Variants in GLRA3 observed in about 807,000 individuals in gnomAD.
GLRA3 encodes the protein glycine receptor alpha 3, also known as glycine receptor subunit alpha-3.
GLRA3 carries 44 observed loss-of-function variants against 60.4 expected under a neutral mutation model. The ratio of observed to expected loss-of-function variants is 0.73; its 90% CI spans 0.57 to 0.94. GLRA3 has a LOEUF of 0.94. Ranked by LOEUF, GLRA3 falls within the 40% of genes least tolerant of loss-of-function variation. The probability of loss-of-function intolerance (pLI) is 0.00; values close to 1 mark genes in which losing one functional copy is unlikely to be tolerated. For missense variants in GLRA3, 508 were observed against 564.6 expected, an observed-to-expected ratio of 0.90 and a Z score of 1.02; for synonymous variants, 223 against 192.9, an observed-to-expected ratio of 1.16 and a Z score of -1.29.
At chr4:174,767,932 G>A (rs1487562389) in intron 2 of GLRA3, among the ~76,000 whole-genome samples, 1 of 152,094 alleles carries the variant, frequency 6.6e-6, no homozygotes, top group African/African-American at 2.4e-5. Context: ...TTTTGTTCAG[G>A]CTCTTACTTG....
At chr4:174,672,445 G>A (rs1026207243) in intron 7 of GLRA3, among the ~76,000 whole-genome samples, 49 of 151,950 alleles carry the variant, frequency 3.2e-4, no homozygotes, top group Admixed American at 6.6e-5. Flanking sequence ...ATTGACTTTC[G>A]GTTTGGCCAT....
chr4:174,819,817 T>A (rs1325000836), intron 1 of GLRA3, among the ~76,000 whole-genome samples: 1 of 152,176 alleles, frequency 6.6e-6, no homozygotes, highest in African/African-American at 2.4e-5. Context: ...AGAACTCTGA[T>A]AGGTGCAATA....
intron 2 of GLRA3, among the ~76,000 whole-genome samples, chr4:174,777,284 C>T (rs1391211086): frequency 1.3e-5 from 2 of 152,074 alleles, no homozygotes; most frequent in Non-Finnish European, 2.9e-5. Flanking sequence ...AATTCTGGAG[C>T]TCGATAATTG....
intron 3 of GLRA3, among the ~76,000 whole-genome samples, chr4:174,764,158 A>G (rs1307420134): frequency 6.6e-6 from 1 of 152,158 alleles, no homozygotes; most frequent in African/African-American, 2.4e-5. Context: ...CAAGAAAAAT[A>G]TGAAAAATAC....
intron 1 of GLRA3, among the ~76,000 whole-genome samples, chr4:174,821,275 G>C (rs927405280): frequency 1.3e-5 from 2 of 152,138 alleles, no homozygotes; most frequent in Non-Finnish European, 2.9e-5. Flanking sequence ...TACTGCTAAA[G>C]TTCTCTAATG....
At chr4:174,732,138 C>T (rs955859147) in intron 3 of GLRA3, among the ~76,000 whole-genome samples, 5 of 152,120 alleles carry the variant, frequency 3.3e-5, no homozygotes, top group Non-Finnish European at 5.9e-5. Context: ...GGGCGGATCA[C>T]GAGGTCAAGA....
chr4:174,790,706 T>C (rs1283141790), intron 1 of GLRA3, among the ~76,000 whole-genome samples: 4 of 149,610 alleles, frequency 2.7e-5, no homozygotes, highest in Admixed American at 6.7e-5. Context: ...GATGGCCGGG[T>C]GCGGTGGCTC....
rs543109702 is a variant in GLRA3 at position 174,641,574 on chromosome 4, A to G, written c.*2212T>C. On this transcript the variant is annotated 3_prime_UTR_variant, in exon 10 of 10. Coordinates refer to ENST00000274093, the MANE Select transcript of GLRA3 (RefSeq NM_006529.4). The stretch of plus-strand genomic sequence containing the variant: ...GTAATACTTTTGAGATAGATTTCTA[A>G]TGTACCAACGTCCTTGTTGACAATA... 9 of 152,218 alleles carry G rather than the reference A, an allele frequency of 5.9e-5. No individual in the cohort carries two copies. The highest frequency in any genetic ancestry group is 2.2e-4 in the African/African-American group (9 of 41,578). 9.4% of individuals were successfully genotyped at this position (152,218 alleles called of 1,614,324 possible).
chr4:174,810,186 AT>A (rs1401342406), intron 1 of GLRA3, among the ~76,000 whole-genome samples: 1 of 152,140 alleles, frequency 6.6e-6, no homozygotes, highest in Non-Finnish European at 1.5e-5. Context: ...ATTACATGCT[AT>A]TTTGGAAGAA....
At chr4:174,788,569 G>A (rs1210938514) in intron 2 of GLRA3, among the ~76,000 whole-genome samples, 1 of 97,258 alleles carries the variant, frequency 1.0e-5, no homozygotes, top group Non-Finnish European at 2.0e-5. Flanking sequence ...AAGACAAGAA[G>A]TATTATAACA....
At chr4:174,761,013 T>C (rs1420057018) in intron 3 of GLRA3, among the ~76,000 whole-genome samples, 3 of 152,134 alleles carry the variant, frequency 2.0e-5, no homozygotes, top group Non-Finnish European at 4.4e-5. Context: ...TTTTCATACA[T>C]ACAGAATGAA....
intron 3 of GLRA3, among the ~76,000 whole-genome samples, chr4:174,743,911 T>C (rs967237496): frequency 2.6e-5 from 4 of 150,946 alleles, no homozygotes; most frequent in Non-Finnish European, 5.9e-5. Flanking sequence ...GGACCCCCTC[T>C]CTTGATCCAT....
chr4:174,764,732 C>G (rs1579570399), intron 3 of GLRA3, among the ~76,000 whole-genome samples: 1 of 151,684 alleles, frequency 6.6e-6, no homozygotes, highest in Non-Finnish European at 1.5e-5. Flanking sequence ...TAAAATACAA[C>G]AACTTAACCA....
intron 3 of GLRA3, among the ~76,000 whole-genome samples, chr4:174,731,068 T>G (rs1736528362): frequency 6.6e-6 from 1 of 152,176 alleles, no homozygotes; most frequent in Admixed American, 6.5e-5. Context: ...TTTCTATGCT[T>G]TGGTTCAGGG....
chr4:174,821,726 G>A (rs542304445), intron 1 of GLRA3, among the ~76,000 whole-genome samples: 103 of 151,984 alleles, frequency 6.8e-4, no homozygotes, highest in African/African-American at 2.2e-3. Flanking sequence ...ATACAAATTC[G>A]GTTTTTCATG....
chr4:174,691,917 GC>G (rs1174993587), intron 5 of GLRA3, among the ~76,000 whole-genome samples: 4 of 151,372 alleles, frequency 2.6e-5, no homozygotes, highest in Admixed American at 6.6e-5. Context: ...GAGCTTCTCT[GC>G]CCGGCCGCCA....
chr4:174,720,229 T>G (rs1736081570), intron 4 of GLRA3, among the ~76,000 whole-genome samples: 1 of 152,196 alleles, frequency 6.6e-6, no homozygotes, highest in South Asian at 2.1e-4. Context: ...GTGGTAAAGA[T>G]ATTACTATCC....
Position 174,639,401 on chromosome 4 carries a change from TGTGTGTGTGA to T in GLRA3, c.*4375_*4384del, listed in dbSNP as rs1357751371. On this transcript the variant is annotated 3_prime_UTR_variant, in exon 10 of 10. Transcript: ENST00000274093. ...GTGTGTGTGTGTGTGTGTGTGTGTG[TGTGTGTGTGA>T]AAGAGAGAGAGAGAGAGGGAAAGGG... The T allele has an allele frequency of 1.5e-5, 2 of 134,636 alleles. No individual in the cohort carries two copies. The highest frequency in any genetic ancestry group is 3.1e-5 in the Non-Finnish European group (2 of 64,100). The allele number at this position is 134,636 out of a possible 1,614,324, so 8.3% of individuals were successfully genotyped here. A position where few individuals can be genotyped will look rare whatever the true frequency, so the allele number is the denominator to read the frequency against.
intron 3 of GLRA3, among the ~76,000 whole-genome samples, chr4:174,738,022 AAAT>A (rs1341107005): frequency 2.2e-4 from 33 of 152,214 alleles, no homozygotes; most frequent in African/African-American, 8.0e-4. Context: ...CAAAGAAAAA[AAAT>A]AAATTGCATT....
Sources: allele counts gnomAD v4.1 joint callset (sites outside exome capture counted in the v4.1 genomes callset), GRCh38; gene constraint gnomAD v4.1.1; transcripts MANE v1.5; gene names NCBI Gene and HGNC (gene_info 2026-07-23, HGNC 2026-07-21).